The following PCDHA1 variants were observed in gnomAD, a reference collection of about 807,000 sequenced individuals.
PCDHA1 encodes the protein protocadherin alpha 1, also known as protocadherin alpha-1.
Under a neutral mutation model 61.3 loss-of-function variants are expected in PCDHA1, and 42 were observed. That is an observed-to-expected ratio of 0.69 (90% confidence interval 0.54 to 0.89). PCDHA1 has a LOEUF of 0.89. PCDHA1 is among the 40% of genes least tolerant of loss of function. The pLI, the probability that PCDHA1 is intolerant of heterozygous loss-of-function variation, is 0.00. For synonymous variants in PCDHA1, 610 were observed against 553.8 expected (o/e 1.10, Z -1.43); for missense variants, 1,256 against 1,235.3 (o/e 1.02, Z -0.25).
intron 1 of PCDHA1, among the ~76,000 whole-genome samples, chr5:140,838,812 C>T (rs1475973999): frequency 6.6e-6 from 1 of 151,910 alleles, no homozygotes; most frequent in Non-Finnish European, 1.5e-5. Context: ...GTTTCAGCTA[C>T]TCAAGAAACT....
intron 1 of PCDHA1, among the ~76,000 whole-genome samples, chr5:140,820,161 T>G (rs2150106041): frequency 6.6e-6 from 1 of 152,014 alleles, no homozygotes; most frequent in African/African-American, 2.4e-5. Context: ...GTATGAAAAC[T>G]ATTAGGCAAA....
intron 1 of PCDHA1, among the ~76,000 whole-genome samples, chr5:140,947,996 T>G (rs185303145): frequency 1.1e-4 from 14 of 126,854 alleles, no homozygotes; most frequent in Non-Finnish European, 2.3e-4. Flanking sequence ...CCAAATACTT[T>G]ATTAAATTTA....
At chr5:140,807,639 G>A in intron 1 of PCDHA1, 1 of 1,614,188 alleles carries the variant, frequency 6.2e-7, no homozygotes, top group Non-Finnish European at 8.5e-7. Flanking sequence ...CTTGACTCTC[G>A]GTTTCCACTA....
rs71583613 is a variant in PCDHA1 at position 141,001,265 on chromosome 5, T to G, written c.2543-8362T>G. 5.1e-4 allele frequency among the ~76,000 whole-genome samples: 78 copies of G among 152,286 alleles called. No individual in the cohort carries two copies. In the Middle Eastern group the frequency reaches 0.01, roughly 20 times the overall value. On this transcript the variant is annotated intron_variant, in intron 3 of 3. Transcript: ENST00000504120. ...CAACCCTATGGGGCGGGCACTCTTATGAACTTTTTTTACGGATGAAAACTG... is the reference window on the plus strand; with the variant it reads ...CAACCCTATGGGGCGGGCACTCTTAGGAACTTTTTTTACGGATGAAAACTG...
intron 1 of PCDHA1, among the ~76,000 whole-genome samples, chr5:140,949,294 T>C (rs1554218899): frequency 1.3e-5 from 2 of 151,840 alleles, no homozygotes; most frequent in African/African-American, 4.8e-5. Flanking sequence ...TATTCTGTAA[T>C]TGTTGGGTGT....
intron 1 of PCDHA1, chr5:140,809,732 G>A (rs1434113979): frequency 1.3e-6 from 1 of 752,210 alleles, no homozygotes; most frequent in Non-Finnish European, 2.1e-6. Flanking sequence ...GGACATCAGA[G>A]CAATATATAT....
intron 1 of PCDHA1, chr5:140,850,153 T>A: frequency 1.3e-6 from 2 of 1,595,316 alleles, no homozygotes; most frequent in Non-Finnish European, 1.7e-6. Context: ...ACGCTGCAGG[T>A]GTTCGTGCTG....
chr5:140,873,893 T>G (rs1308011914), intron 1 of PCDHA1, among the ~76,000 whole-genome samples: 2 of 152,166 alleles, frequency 1.3e-5, no homozygotes, highest in Non-Finnish European at 2.9e-5. Context: ...ACTCCTGACC[T>G]CAGGTGATCT....
chr5:140,823,130 C>T (rs2150122612), intron 1 of PCDHA1: 10 of 1,613,888 alleles, frequency 6.2e-6, no homozygotes, highest in African/African-American at 5.3e-5. Context: ...GACAACGCTC[C>T]GGCGTTCGCG....
At chr5:141,003,178 A>C (rs2098114996) in intron 3 of PCDHA1, among the ~76,000 whole-genome samples, 1 of 152,180 alleles carries the variant, frequency 6.6e-6, no homozygotes, top group East Asian at 1.9e-4. Context: ...CTGAGGCTCA[A>C]CTCCATCAAC....
intron 1 of PCDHA1, chr5:140,843,573 C>T (rs1380003956): frequency 6.3e-7 from 1 of 1,595,868 alleles, no homozygotes; most frequent in Admixed American, 1.7e-5. Flanking sequence ...TGGTCATACT[C>T]GCAACAACAG....
chr5:140,969,554 T>C (rs2096342030), intron 1 of PCDHA1: 12 of 1,222,074 alleles, frequency 9.8e-6, no homozygotes, highest in Non-Finnish European at 1.3e-5. Context: ...TGAAGCCTTG[T>C]CCATAAAATT....
chr5:140,968,272 A>G (rs369285531), intron 1 of PCDHA1: 1 of 1,613,936 alleles, frequency 6.2e-7, no homozygotes, highest in African/African-American at 1.3e-5. Context: ...AGGAGAATGC[A>G]GAGGTGACCT....
At chr5:140,809,302 C>A (rs1449558535) in intron 1 of PCDHA1, 3 of 1,614,006 alleles carry the variant, frequency 1.9e-6, no homozygotes, top group Non-Finnish European at 2.5e-6. Flanking sequence ...TTGCCATCTG[C>A]GCGGTGTCCA....
At chr5:140,821,339 G>T (rs1554128068) in intron 1 of PCDHA1, among the ~76,000 whole-genome samples, 1 of 152,082 alleles carries the variant, frequency 6.6e-6, no homozygotes, top group African/African-American at 2.4e-5. Flanking sequence ...AAGGATTGGG[G>T]TTTCATGACT....
intron 3 of PCDHA1, among the ~76,000 whole-genome samples, chr5:140,995,389 G>T (rs1377788418): frequency 6.6e-6 from 1 of 152,190 alleles, no homozygotes; most frequent in Non-Finnish European, 1.5e-5. Context: ...GCAGGATAAA[G>T]CGGGATGGCT....
At position 140,963,044 on chromosome 5, in the gene PCDHA1, T is replaced by C. The variant is rs144557802; in HGVS notation, c.2395-15905T>C. On this transcript the variant is annotated intron_variant, in intron 1 of 3. Transcript: ENST00000504120. The stretch of plus-strand genomic sequence containing the variant: ...AAGCAATTAACATTTATTGAGAGTC[T>C]ATAAGGGTTTCTACATTGTGAAGGA... Among the ~76,000 whole-genome samples the C allele has an allele frequency of 9.3e-4, 141 of 152,294 alleles. 1 individual carries two copies. Among genetic ancestry groups the C allele is most frequent in the African/African-American group, 2.9e-3 (121 of 41,576 alleles).
intron 1 of PCDHA1, among the ~76,000 whole-genome samples, chr5:140,923,449 G>A (rs189150090): frequency 6.6e-6 from 1 of 152,166 alleles, no homozygotes; most frequent in African/African-American, 2.4e-5. Flanking sequence ...GATCACCTGA[G>A]CCCAGAGAGG....
intron 1 of PCDHA1, among the ~76,000 whole-genome samples, chr5:140,978,203 C>T (rs1231262283): frequency 6.6e-6 from 1 of 152,178 alleles, no homozygotes; most frequent in East Asian, 1.9e-4. Context: ...CAATACACAA[C>T]TAATGCAAAA....
Sources: gnomAD v4.1 joint callset for allele counts (sites outside exome capture counted in the v4.1 genomes callset) on GRCh38, gnomAD v4.1.1 for gene constraint, MANE v1.5 for transcripts, NCBI Gene and HGNC (gene_info 2026-07-23, HGNC 2026-07-21) for gene names.